MAP2K4: variants seen among roughly 807,000 people sequenced by gnomAD.
The protein encoded by MAP2K4 is mitogen-activated protein kinase kinase 4.
A neutral mutation model predicts 48.5 loss-of-function variants in MAP2K4; 4 were observed. The observed-to-expected ratio is 0.08, with a 90% CI of 0.04 to 0.19. MAP2K4 has a LOEUF of 0.19. Ranked by LOEUF, MAP2K4 falls within the 10% of genes least tolerant of loss-of-function variation. The probability of loss-of-function intolerance (pLI) is 1.00; values close to 1 mark genes in which losing one functional copy is unlikely to be tolerated. For synonymous variants in MAP2K4, 166 were observed against 173.1 expected (o/e 0.96, Z 0.32); for missense variants, 258 against 493.3 (o/e 0.52, Z 4.52).
At chr17:12,039,336 AC>A (rs915507697) in intron 1 of MAP2K4, among the ~76,000 whole-genome samples, 2 of 152,070 alleles carry the variant, frequency 1.3e-5, no homozygotes, top group African/African-American at 4.8e-5. Context: ...ATGCATCCCC[AC>A]CCCACTTTCT....
intron 3 of MAP2K4, among the ~76,000 whole-genome samples, chr17:12,085,417 A>G (rs1567651785): frequency 1.3e-5 from 2 of 151,750 alleles, no homozygotes; most frequent in South Asian, 2.1e-4. Context: ...TGCTTGAGAA[A>G]TTATCTGGGT....
chr17:12,041,462 G>A (rs1305936689), intron 1 of MAP2K4, among the ~76,000 whole-genome samples: 1 of 152,122 alleles, frequency 6.6e-6, no homozygotes, highest in African/African-American at 2.4e-5. Context: ...AAAGTTGGTG[G>A]AGTATACAAA....
intron 3 of MAP2K4, among the ~76,000 whole-genome samples, chr17:12,092,941 G>A (rs1302428704): frequency 4.6e-5 from 7 of 152,280 alleles, no homozygotes; most frequent in East Asian, 3.9e-4. Flanking sequence ...CAGAAGAATG[G>A]CATCAACCCG....
intron 1 of MAP2K4, among the ~76,000 whole-genome samples, chr17:12,024,951 G>T (rs1016016256): frequency 1.3e-5 from 2 of 152,130 alleles, no homozygotes; most frequent in Non-Finnish European, 2.9e-5. Context: ...GATATGTATA[G>T]CAAATAGTAC....
At chr17:12,046,899 C>A (rs73977811) in intron 1 of MAP2K4, among the ~76,000 whole-genome samples, 5,390 of 151,964 alleles carry the variant, frequency 0.035, 295 homozygotes, top group African/African-American at 0.12. Flanking sequence ...TCCAACTCTC[C>A]CTGAAGGCTT....
chr17:12,088,453 AAATATTATAC>A (rs1567653508), intron 3 of MAP2K4, among the ~76,000 whole-genome samples: 1 of 142,490 alleles, frequency 7.0e-6, no homozygotes, highest in African/African-American at 2.6e-5. Flanking sequence ...AATATATATT[AAATATTATAC>A]AATATTAAAT....
chr17:12,113,574 CTTGGTATT>C, intron 7 of MAP2K4, among the ~76,000 whole-genome samples: 1 of 152,306 alleles, frequency 6.6e-6, no homozygotes. Context: ...ATTTCTCTTA[CTTGGTATT>C]TAGCAGTTGT....
At chr17:12,098,878 A>G (rs990411308) in intron 4 of MAP2K4, among the ~76,000 whole-genome samples, 2 of 152,144 alleles carry the variant, frequency 1.3e-5, no homozygotes, top group Non-Finnish European at 1.5e-5. Flanking sequence ...TCATTCTTGC[A>G]GCAACTATTT....
intron 1 of MAP2K4, among the ~76,000 whole-genome samples, chr17:12,038,726 A>G (rs1969682005): frequency 6.6e-6 from 1 of 152,178 alleles, no homozygotes; most frequent in Non-Finnish European, 1.5e-5. Context: ...CAGCAGCCTT[A>G]TGAAGTAGGT....
chr17:12,033,154 A>G (rs1969490457), intron 1 of MAP2K4, among the ~76,000 whole-genome samples: 1 of 152,176 alleles, frequency 6.6e-6, no homozygotes, highest in African/African-American at 2.4e-5. Flanking sequence ...AATGCATTTA[A>G]GCTTAAATGT....
chr17:12,110,081 G>C (rs1972253848), intron 5 of MAP2K4, among the ~76,000 whole-genome samples: 1 of 151,926 alleles, frequency 6.6e-6, no homozygotes, highest in African/African-American at 2.4e-5. Context: ...GGAAATTTTA[G>C]GTTGGAGATA....
intron 7 of MAP2K4, among the ~76,000 whole-genome samples, chr17:12,117,312 C>T (rs937786848): frequency 1.3e-5 from 2 of 152,042 alleles, no homozygotes; most frequent in Non-Finnish European, 2.9e-5. Flanking sequence ...GTTACCAACA[C>T]TAGTGTGACC....
At chr17:12,136,037 G>T (rs1056275625) in intron 9 of MAP2K4, among the ~76,000 whole-genome samples, 24 of 152,162 alleles carry the variant, frequency 1.6e-4, no homozygotes, top group African/African-American at 5.6e-4. Context: ...AATACTTAGA[G>T]AATTTAATTT....
chr17:12,082,957 G>A (rs2151550142), intron 3 of MAP2K4, among the ~76,000 whole-genome samples: 1 of 152,270 alleles, frequency 6.6e-6, no homozygotes, highest in Middle Eastern at 3.4e-3. Context: ...TTAGACTCCT[G>A]GATGAATGTT....
At chr17:12,122,727 G>T (rs1371763225) in intron 7 of MAP2K4, among the ~76,000 whole-genome samples, 2 of 152,074 alleles carry the variant, frequency 1.3e-5, no homozygotes, top group Non-Finnish European at 2.9e-5. Flanking sequence ...TAATTAAAAA[G>T]AAAGTGTTCT....
chr17:12,055,130 T>G lies in MAP2K4; in HGVS notation c.218+139T>G, dbSNP rs941228200. 10 of 534,162 alleles carry G rather than the reference T, an allele frequency of 1.9e-5. No individual in the cohort carries two copies. The Middle Eastern group carries it at 1.3e-3, about 68-fold the overall frequency. 33.1% of individuals were successfully genotyped at this position (534,162 alleles called of 1,614,324 possible). A position where few individuals can be genotyped will look rare whatever the true frequency, so the allele number is the denominator to read the frequency against. On this transcript the variant is annotated intron_variant, in intron 2 of 10. Coordinates refer to ENST00000353533, the MANE Select transcript of MAP2K4 (RefSeq NM_003010.4). ...TGGGAATATTGTTTATTCTTTTCCT[T>G]CTGGAGTTCCAGTTAAATTGCAAGT...
chr17:12,053,264 C>A (rs919334089), intron 1 of MAP2K4, among the ~76,000 whole-genome samples: 1 of 151,950 alleles, frequency 6.6e-6, no homozygotes, highest in Admixed American at 6.6e-5. Flanking sequence ...TTCTACCTAG[C>A]CATTCTGATC....
chr17:12,127,428 C>T (rs541938155), intron 8 of MAP2K4, among the ~76,000 whole-genome samples: 2 of 148,716 alleles, frequency 1.3e-5, no homozygotes, highest in Non-Finnish European at 3.0e-5. Flanking sequence ...TAAACAATTA[C>T]GTTTTAAAAG....
intron 10 of MAP2K4, 63 bp from the exon 11 acceptor site, chr17:12,141,084 G>A: frequency 1.0e-6 from 1 of 995,946 alleles, no homozygotes; most frequent in Non-Finnish European, 1.6e-6. Context: ...ATAGAAATTG[G>A]AAAATGTTCA....
Sources: allele counts gnomAD v4.1 joint callset (sites outside exome capture counted in the v4.1 genomes callset), GRCh38; gene constraint gnomAD v4.1.1; transcripts MANE v1.5; gene names NCBI Gene and HGNC (gene_info 2026-07-23, HGNC 2026-07-21).